The following GFPT1 variants were observed in gnomAD, a reference collection of about 807,000 sequenced individuals.
GFPT1 encodes the protein glutamine--fructose-6-phosphate aminotransferase [isomerizing] 1.
GFPT1 carries 40 observed loss-of-function variants against 92.0 expected under a neutral mutation model. The observed-to-expected ratio is 0.43, with a 90% CI of 0.34 to 0.57. The LOEUF is 0.57. Ranked by LOEUF, GFPT1 falls within the 20% of genes least tolerant of loss-of-function variation. GFPT1 has a pLI of 0.02. For missense variants in GFPT1, 448 were observed against 869.1 expected (o/e 0.52, Z 6.09); for synonymous variants, 269 against 280.6 (o/e 0.96, Z 0.41).
intron 13 of GFPT1, among the ~76,000 whole-genome samples, chr2:69,339,408 G>A (rs1670881878): frequency 6.6e-6 from 1 of 152,204 alleles, no homozygotes. Flanking sequence ...GGGGAATGAA[G>A]TAGGGAGCAG....
At chr2:69,374,161 A>T in intron 1 of GFPT1, 48 bp from the exon 2 acceptor site, 4 of 899,912 alleles carry the variant, frequency 4.4e-6, no homozygotes, top group Non-Finnish European at 7.4e-6. Context: ...TAAAAAATCA[A>T]AATTAGCATA....
At chr2:69,358,623 T>C (rs1671399186) in intron 5 of GFPT1, among the ~76,000 whole-genome samples, 160 bp from the exon 6 acceptor site, 1 of 152,240 alleles carries the variant, frequency 6.6e-6, no homozygotes, top group African/African-American at 2.4e-5. Context: ...TCAGTGACTC[T>C]AAAACAGTGT....
At chr2:69,356,175 G>A (rs1027195774) in intron 7 of GFPT1, among the ~76,000 whole-genome samples, 2 of 151,836 alleles carry the variant, frequency 1.3e-5, no homozygotes, top group African/African-American at 4.8e-5. Context: ...TCTATATTTA[G>A]TAGAGACGGG....
At position 69,340,219 on chromosome 2, in the gene GFPT1, G is replaced by A. The variant is rs557264187; in HGVS notation, c.1204-1654C>T. On this transcript the variant is annotated intron_variant, in intron 13 of 19. Coordinates refer to ENST00000357308, the MANE Select transcript of GFPT1 (RefSeq NM_001244710.2). ...CAGGCTGGAGTGTAGCAGCTATTCA[G>A]AGGCATGATTCTAGGGCACTGTGGC... Among the ~76,000 whole-genome samples, 3 of 146,854 alleles carry A rather than the reference G, an allele frequency of 2.0e-5. No homozygotes were observed. In the East Asian group the frequency reaches 6.1e-4, roughly 30 times the overall value.
intron 10 of GFPT1, among the ~76,000 whole-genome samples, chr2:69,349,065 T>C (rs891556687): frequency 1.3e-5 from 2 of 152,160 alleles, no homozygotes; most frequent in South Asian, 2.1e-4. Flanking sequence ...TCAAACATCA[T>C]TCCCTTAAAG....
rs758627829 is a variant in GFPT1, at chr2:69,356,489, T to C, written c.605+7A>G. On this transcript the variant is annotated splice_region_variant and intron_variant, in intron 7 of 19. Transcript: ENST00000357308. ...AATACATTAGTCATTGTTAGAGTTA[T>C]ATGTACCTTGTGCCAACTGCTTGCC... is the stretch of plus-strand genomic sequence containing the variant. 6.9e-6 allele frequency: 11 copies of C among 1,594,042 alleles called. No individual in the cohort carries two copies. The highest frequency in any genetic ancestry group is 8.6e-6 in the Non-Finnish European group (10 of 1,161,670).
chr2:69,353,701 C>A (rs1299159275), intron 9 of GFPT1, among the ~76,000 whole-genome samples: 1 of 152,016 alleles, frequency 6.6e-6, no homozygotes, highest in Non-Finnish European at 1.5e-5. Context: ...CCTGTCTCCC[C>A]CTGCCGCTCT....
At chr2:69,370,662 A>C (rs1279881432) in intron 2 of GFPT1, among the ~76,000 whole-genome samples, 3 of 151,782 alleles carry the variant, frequency 2.0e-5, no homozygotes, top group African/African-American at 7.3e-5. Flanking sequence ...CAGCTGTCAA[A>C]AGCTACAGCT....
chr2:69,371,766 G>A lies in GFPT1; in HGVS notation c.116-1658C>T, dbSNP rs539203345. Among the ~76,000 whole-genome samples the A allele has an allele frequency of 4.7e-3, 716 of 152,084 alleles. 11 individuals carry two copies. Among genetic ancestry groups the A allele is most frequent in the Admixed American group, 0.012 (180 of 15,276 alleles). ...GCAGGAGAATGGCGTGAACCCGGGA[G>A]GTGGAGCTTGCAGTGAGCTGAGATC... On this transcript the variant is annotated intron_variant, in intron 2 of 19. Coordinates refer to ENST00000357308, the MANE Select transcript of GFPT1 (RefSeq NM_001244710.2).
At chr2:69,342,129 T>A in intron 13 of GFPT1, 23 bp downstream of exon 13, 1 of 1,312,236 alleles carries the variant, frequency 7.6e-7, no homozygotes, top group Non-Finnish European at 1.1e-6. Context: ...TTCAACATAA[T>A]TAAAATTTTA....
At chr2:69,348,398 T>C (rs1216182518) in intron 10 of GFPT1, 64 bp from the exon 11 acceptor site, 1 of 1,284,986 alleles carries the variant, frequency 7.8e-7, no homozygotes, top group Non-Finnish European at 1.1e-6. Context: ...AATGAAACTA[T>C]CATTTGGATA....
intron 12 of GFPT1, among the ~76,000 whole-genome samples, chr2:69,345,263 A>T (rs929147850): frequency 2.0e-5 from 3 of 152,200 alleles, no homozygotes; most frequent in Non-Finnish European, 4.4e-5. Context: ...TCCTAAAAAA[A>T]AGAGTAGTGT....
intron 12 of GFPT1, among the ~76,000 whole-genome samples, chr2:69,344,779 G>T (rs1471441720): frequency 6.6e-6 from 1 of 151,404 alleles, no homozygotes; most frequent in Admixed American, 6.6e-5. Context: ...CAGTAGCCAG[G>T]GCTACAGGCA....
chr2:69,345,035 G>T (rs1671051093), intron 12 of GFPT1, among the ~76,000 whole-genome samples: 1 of 152,034 alleles, frequency 6.6e-6, no homozygotes, highest in African/African-American at 2.4e-5. Flanking sequence ...TACCATAAAA[G>T]AATTTACTGC....
intron 8 of GFPT1, 85 bp downstream of exon 8, chr2:69,354,404 G>A (rs1671283746): frequency 7.9e-7 from 1 of 1,268,082 alleles, no homozygotes; most frequent in Non-Finnish European, 1.2e-6. Context: ...ATATACATGT[G>A]CATCTGACCA....
Position 69,359,296 on chromosome 2 carries a change from G to C in GFPT1, c.380C>G (p.Thr127Ser). Residue 127 changes from threonine to serine, a missense_variant, in exon 5 of 20, where the codon ACC becomes AGC. Around this residue, in one of 7 missense-constraint regions of GFPT1, gnomAD observed 118 missense variants for 192.9 expected, o/e 0.61. Coordinates refer to ENST00000357308, the MANE Select transcript of GFPT1 (RefSeq NM_001244710.2). Reference protein sequence around the residue: ...EFIVIHNGIITNYKDLKKFLE... With the variant: ...EFIVIHNGIISNYKDLKKFLE... ...AAACTTTTTCAAGTCTTTGTAGTTG[G>C]TGATGATTCCATTGTGAATAACGAT... 1 of 1,584,208 alleles carries C rather than the reference G, an allele frequency of 6.3e-7. No individual in the cohort carries two copies. Among genetic ancestry groups the C allele is most frequent in the Non-Finnish European group, 8.7e-7 (1 of 1,153,898 alleles).
rs1355793849 is a variant in GFPT1, at chr2:69,324,065, A to G, written c.*2124T>C. 2 of 152,142 alleles carry G rather than the reference A, an allele frequency of 1.3e-5. No homozygotes were observed. Among genetic ancestry groups the G allele is most frequent in the African/African-American group, 4.8e-5 (2 of 41,404 alleles). 9.4% of individuals were successfully genotyped at this position (152,142 alleles called of 1,614,324 possible). A position where few individuals can be genotyped will look rare whatever the true frequency, so the allele number is the denominator to read the frequency against. On this transcript the variant is annotated 3_prime_UTR_variant, in exon 20 of 20. Transcript: ENST00000357308. ...AGCAATACTCCCACCTCAGACTCCC[A>G]AAGTGGAGGCTGGTATTACAGGCTG...
At position 69,337,882 on chromosome 2, in the gene GFPT1, T is replaced by C. The variant is rs376276502; in HGVS notation, c.1482+16A>G. The C allele has an allele frequency of 6.2e-6, 10 of 1,604,634 alleles. No homozygotes were observed. Among genetic ancestry groups the C allele is most frequent in the African/African-American group, 5.4e-5 (4 of 74,744 alleles). ...TATGATTAAATAATCATCAGAGAAA[T>C]GAGTCAAGAATTTACCTTTGTACTG... is the stretch of plus-strand genomic sequence containing the variant. On this transcript the variant is annotated intron_variant, in intron 15 of 19. Coordinates refer to ENST00000357308, the MANE Select transcript of GFPT1 (RefSeq NM_001244710.2).
chr2:69,376,192 C>T (rs979846827), intron 1 of GFPT1, among the ~76,000 whole-genome samples: 5 of 152,210 alleles, frequency 3.3e-5, no homozygotes, highest in Non-Finnish European at 7.3e-5. Flanking sequence ...ACACAGCACA[C>T]AAATCTTTTC....
Sources: allele counts gnomAD v4.1 joint callset (sites outside exome capture counted in the v4.1 genomes callset), GRCh38; gene constraint gnomAD v4.1.1; regional missense constraint gnomAD v4.1.1; transcripts MANE v1.5; gene names NCBI Gene and HGNC (gene_info 2026-07-23, HGNC 2026-07-21).